The following COL25A1 variants were observed in gnomAD, a reference collection of about 807,000 sequenced individuals.
COL25A1 encodes collagen type XXV alpha 1 chain.
COL25A1 carries 103 observed loss-of-function variants against 128.4 expected under a neutral mutation model. That is an observed-to-expected ratio of 0.80 (90% CI 0.68 to 0.94). The LOEUF is 0.94. Ranked by LOEUF, COL25A1 falls within the 40% of genes least tolerant of loss-of-function variation. The pLI is 0.00. For missense variants in COL25A1, 745 were observed against 840.0 expected (o/e 0.89, Z 1.40); for synonymous variants, 279 against 277.2 (o/e 1.01, Z -0.06).
chr4:109,197,680 C>T (rs1433697342), intron 3 of COL25A1, among the ~76,000 whole-genome samples: 11 of 150,626 alleles, frequency 7.3e-5, no homozygotes, highest in Non-Finnish European at 2.9e-5. Context: ...TTTCTAAACC[C>T]TATTTCACTT....
chr4:109,030,813 C>T (rs774132933), intron 5 of COL25A1, among the ~76,000 whole-genome samples: 1 of 152,150 alleles, frequency 6.6e-6, no homozygotes, highest in Non-Finnish European at 1.5e-5. Flanking sequence ...AGTGCAGTGG[C>T]ACCATCACAG....
At chr4:109,187,257 A>G in intron 3 of COL25A1, among the ~76,000 whole-genome samples, 1 of 145,410 alleles carries the variant, frequency 6.9e-6, no homozygotes, top group South Asian at 2.2e-4. Flanking sequence ...TTCTTCTCAA[A>G]GACTTCTCCA....
chr4:109,011,534 A>C (rs1174351798), intron 5 of COL25A1, among the ~76,000 whole-genome samples: 1 of 152,232 alleles, frequency 6.6e-6, no homozygotes, highest in African/African-American at 2.4e-5. Flanking sequence ...AACATTTATT[A>C]ATTCCTTACC....
chr4:108,991,406 A>G lies in COL25A1; in HGVS notation c.439-16847T>C, dbSNP rs192600404. On this transcript the variant is annotated intron_variant, in intron 6 of 37. Coordinates refer to ENST00000399132, the MANE Select transcript of COL25A1 (RefSeq NM_198721.4). ...ATAAATAAGCCGTTATACCATGTGT[A>G]CTCTTAAAGACATAAACTATCTGGA... Among the ~76,000 whole-genome samples the G allele has an allele frequency of 1.1e-4, 17 of 152,302 alleles. 1 individual carries two copies. The highest frequency in any genetic ancestry group is 9.8e-4 in the Admixed American group (15 of 15,302).
intron 3 of COL25A1, among the ~76,000 whole-genome samples, chr4:109,143,336 C>T (rs569897471): frequency 3.9e-5 from 6 of 152,250 alleles, no homozygotes; most frequent in Non-Finnish European, 1.5e-5. Flanking sequence ...CTGCCCTTAA[C>T]GTTTTTTCCT....
chr4:109,160,121 G>A lies in COL25A1; in HGVS notation c.368-109942C>T, dbSNP rs546270118. On this transcript the variant is annotated intron_variant, in intron 3 of 37. Transcript: ENST00000399132. ...GACACCATGCTTGGAAAGGAATAGTGTAATAAAGCTATGACCAAAGTTTAA... is the reference window on the plus strand; with the variant it reads ...GACACCATGCTTGGAAAGGAATAGTATAATAAAGCTATGACCAAAGTTTAA... Among the ~76,000 whole-genome samples, 8 of 152,262 alleles carry A rather than the reference G, an allele frequency of 5.3e-5. No individual in the cohort carries two copies. The South Asian group carries it at 8.3e-4, about 16-fold the overall frequency.
At chr4:109,012,112 A>G (rs1157535534) in intron 5 of COL25A1, among the ~76,000 whole-genome samples, 4 of 152,218 alleles carry the variant, frequency 2.6e-5, no homozygotes, top group African/African-American at 9.6e-5. Context: ...TCCCAGGCTC[A>G]AGTGATCCTT....
intron 8 of COL25A1, among the ~76,000 whole-genome samples, chr4:108,966,512 C>T (rs192818689): frequency 1.5e-3 from 234 of 152,144 alleles, no homozygotes; most frequent in Non-Finnish European, 2.3e-3. Flanking sequence ...GAACAAGTCA[C>T]TTAATCTGCT....
intron 3 of COL25A1, among the ~76,000 whole-genome samples, chr4:109,141,847 G>C (rs1211103831): frequency 6.6e-6 from 1 of 151,882 alleles, no homozygotes. Context: ...TCTGGCTAGT[G>C]GTCTATCTGT....
At chr4:108,859,547 G>A in intron 24 of COL25A1, 109 bp downstream of exon 24, 1 of 777,498 alleles carries the variant, frequency 1.3e-6, no homozygotes. Flanking sequence ...GCCTTGAGCA[G>A]TGGAGTCCTC....
intron 3 of COL25A1, among the ~76,000 whole-genome samples, chr4:109,234,046 C>T (rs1158775666): frequency 1.3e-5 from 2 of 152,092 alleles, no homozygotes; most frequent in Admixed American, 1.3e-4. Flanking sequence ...AATCTATTGC[C>T]CCACACTATT....
intron 3 of COL25A1, among the ~76,000 whole-genome samples, chr4:109,222,999 T>C (rs1388896839): frequency 6.6e-6 from 1 of 152,188 alleles, no homozygotes; most frequent in Non-Finnish European, 1.5e-5. Flanking sequence ...CTGAACAGAA[T>C]CACAGAAGCT....
chr4:108,812,192 G>T lies in COL25A1; in HGVS notation c.*1735C>A, dbSNP rs1039957398. On this transcript the variant is annotated 3_prime_UTR_variant, in exon 38 of 38. Coordinates refer to ENST00000399132, the MANE Select transcript of COL25A1 (RefSeq NM_198721.4). ...ATATGGTTAGGTAAAGTTTGAGCAAGTAGATGAAAAATATTTTCTTTATGG... is the reference window on the plus strand; with the variant it reads ...ATATGGTTAGGTAAAGTTTGAGCAATTAGATGAAAAATATTTTCTTTATGG... 3 of 152,132 alleles carry T rather than the reference G, an allele frequency of 2.0e-5. No homozygotes were observed. The highest frequency in any genetic ancestry group is 4.4e-5 in the Non-Finnish European group (3 of 68,002). 9.4% of individuals were successfully genotyped at this position (152,132 alleles called of 1,614,324 possible).
intron 3 of COL25A1, among the ~76,000 whole-genome samples, chr4:109,253,766 A>T (rs1560934855): frequency 6.6e-6 from 1 of 152,206 alleles, no homozygotes; most frequent in African/African-American, 2.4e-5. Context: ...CAACGTTAGA[A>T]AAATAAAATA....
chr4:109,275,852 C>T (rs1722787185), intron 3 of COL25A1, among the ~76,000 whole-genome samples: 1 of 152,126 alleles, frequency 6.6e-6, no homozygotes, highest in East Asian at 1.9e-4. Flanking sequence ...CACCCTGATG[C>T]CAAAATGGCA....
chr4:108,853,186 T>C (rs996286096), intron 24 of COL25A1, among the ~76,000 whole-genome samples: 5 of 152,140 alleles, frequency 3.3e-5, no homozygotes, highest in African/African-American at 4.8e-5. Flanking sequence ...ATTCACCTGA[T>C]TGAAAAAAAT....
At position 108,813,041 on chromosome 4, in the gene COL25A1, T is replaced by A. The variant is rs11722257; in HGVS notation, c.*886A>T. 0.17 allele frequency: 26,097 copies of A among 152,282 alleles called. 2,550 individuals carry two copies. The highest frequency in any genetic ancestry group is 0.23 in the Non-Finnish European group (15,436 of 68,022). The allele number at this position is 152,282 out of a possible 1,614,324, so 9.4% of individuals were successfully genotyped here. On this transcript the variant is annotated 3_prime_UTR_variant, in exon 38 of 38. Coordinates refer to ENST00000399132, the MANE Select transcript of COL25A1 (RefSeq NM_198721.4). Reference sequence around the variant, plus strand: ...TATTTTTAAAGTCTGTGGTTCTGCATGTTTGCATTTGTAAACCTCTTTCCT... The same window carrying A: ...TATTTTTAAAGTCTGTGGTTCTGCAAGTTTGCATTTGTAAACCTCTTTCCT...
At chr4:108,878,981 C>T (rs894283934) in intron 19 of COL25A1, among the ~76,000 whole-genome samples, 34 of 152,162 alleles carry the variant, frequency 2.2e-4, no homozygotes, top group African/African-American at 8.0e-4. Flanking sequence ...ATTTCACATC[C>T]TATGTTGCTT....
intron 6 of COL25A1, among the ~76,000 whole-genome samples, chr4:108,983,557 T>C (rs1753259849): frequency 1.3e-5 from 2 of 152,194 alleles, no homozygotes. Flanking sequence ...AATTGGTGGG[T>C]TCTTGGTCTC....
Sources: allele counts gnomAD v4.1 joint callset (sites outside exome capture counted in the v4.1 genomes callset), GRCh38; gene constraint gnomAD v4.1.1; transcripts MANE v1.5; gene names NCBI Gene and HGNC (gene_info 2026-07-23, HGNC 2026-07-21).